Variants in TNXB observed in about 807,000 individuals in gnomAD.
TNXB encodes tenascin XB.
A neutral mutation model predicts 340.5 loss-of-function variants in TNXB; 183 were observed. That is an observed-to-expected ratio of 0.54 (90% confidence interval 0.48 to 0.61). The LOEUF is 0.61. TNXB is among the 20% of genes least tolerant of loss of function. TNXB has a pLI of 0.00. For synonymous variants in TNXB, 2,121 were observed against 2,314.5 expected (o/e 0.92, Z 2.40); for missense variants, 4,613 against 5,446.4 (o/e 0.85, Z 4.82).
At chr6:32,048,701 G>T in intron 28 of TNXB, 51 bp from the exon 29 acceptor site, 1 of 1,375,134 alleles carries the variant, frequency 7.3e-7, no homozygotes. Flanking sequence ...CCCTGCGCAA[G>T]GGAGGCAGTG....
chr6:32,065,827 T>A (rs1024869653), intron 18 of TNXB, among the ~76,000 whole-genome samples: 2 of 152,000 alleles, frequency 1.3e-5, no homozygotes, highest in Non-Finnish European at 1.5e-5. Context: ...TATTATTATT[T>A]TTAGTAGAGA....
chr6:32,061,264 G>T lies in TNXB; in HGVS notation c.7492+133C>A. The T allele has an allele frequency of 7.3e-7, 1 of 1,378,404 alleles. No individual in the cohort carries two copies. Among genetic ancestry groups the T allele is most frequent in the Non-Finnish European group, 9.8e-7 (1 of 1,022,038 alleles). The allele number at this position is 1,378,404 out of a possible 1,614,324, so 85.4% of individuals were successfully genotyped here. On this transcript the variant is annotated intron_variant, in intron 21 of 43. Transcript: ENST00000644971. The surrounding 1 kb of genome is among the most constrained non-coding windows in gnomAD (Gnocchi z 4.4). ...AAGCAAACCGCTAGCATAGGCCACA[G>T]CCACAGGGCACAGAGGGAGGGCAGG...
At position 32,087,696 on chromosome 6, in the gene TNXB, G is replaced by T. The variant is rs1286064930; in HGVS notation, c.2779+1089C>A. The T allele has an allele frequency of 2.2e-6, 1 of 460,188 alleles. No individual in the cohort carries two copies. Among genetic ancestry groups the T allele is most frequent in the South Asian group, 1.5e-5 (1 of 64,994 alleles). The allele number at this position is 460,188 out of a possible 1,614,324, so 28.5% of individuals were successfully genotyped here. On this transcript the variant is annotated intron_variant, in intron 6 of 43. Transcript: ENST00000644971. The surrounding 1 kb of genome is among the most constrained non-coding windows in gnomAD (Gnocchi z 9.0). ...GCCGCTGCAAGTATTCATGGATGTG[G>T]CGCGCCACCGACGTGTAAGTCTGGT... is the stretch of plus-strand genomic sequence containing the variant.
In TNXB at chr6:32,070,876, G is replaced by A. The variant is rs145493895; in HGVS notation, c.4991-462C>T. ...GCAGGTCAGGGAGGCAGGATGTTAC[G>A]ACACAGGTAGTTCTCACCCTTCTCC... On this transcript the variant is annotated intron_variant, in intron 13 of 43. Transcript: ENST00000644971. This position sits in a 1 kb window ranked among gnomAD's most constrained non-coding sequence, Gnocchi z 6.0. Among the ~76,000 whole-genome samples the A allele has an allele frequency of 6.6e-6, 1 of 152,320 alleles. No homozygotes were observed. Among genetic ancestry groups the A allele is most frequent in the East Asian group, 1.9e-4 (1 of 5,176 alleles).
chr6:32,079,366 C>T lies in TNXB; in HGVS notation c.4043-1G>A, dbSNP rs1478036558. ...GTCTCGTCCACATCCTCCTGAGGAG[C>T]TGAGAGAAGAGATAGAGGCATAAAG... is the stretch of plus-strand genomic sequence containing the variant. On this transcript the variant is annotated splice_acceptor_variant, in intron 10 of 43. Coordinates refer to ENST00000644971, the MANE Select transcript of TNXB (RefSeq NM_001365276.2). LOFTEE classifies it high-confidence loss of function. The surrounding 1 kb of genome is among the most constrained non-coding windows in gnomAD (Gnocchi z 7.1). 6.3e-7 allele frequency: 1 copy of T among 1,597,320 alleles called. No individual in the cohort carries two copies. The highest frequency in any genetic ancestry group is 8.5e-7 in the Non-Finnish European group (1 of 1,171,826).
Position 32,055,921 on chromosome 6 carries a change from T to A in TNXB, c.8397A>T (p.Lys2799Asn). The A allele has an allele frequency of 1.9e-6, 3 of 1,613,500 alleles. No individual in the cohort carries two copies. In the Admixed American group the frequency reaches 5.0e-5, roughly 27 times the overall value. Residue 2799 changes from lysine to asparagine, a missense_variant, in exon 24 of 44, where the codon AAA (lysine) becomes AAT (asparagine). Lys to Asn is a moderately conservative substitution (Grantham distance 94). Transcript: ENST00000644971. ...GGAGGCCGTACAGGTGCATCTTGTATTTGCGCCCGGGCTCCAGGCCCCCCA... is the reference window on the plus strand; with the variant it reads ...GGAGGCCGTACAGGTGCATCTTGTAATTGCGCCCGGGCTCCAGGCCCCCCA... ...VTVGGLEPGR[K>N]YKMHLYGLHE...
chr6:32,068,727 G>C lies in TNXB; in HGVS notation c.5903-20C>G. The C allele has an allele frequency of 6.2e-7, 1 of 1,608,608 alleles. No individual in the cohort carries two copies. Among genetic ancestry groups the C allele is most frequent in the South Asian group, 1.1e-5 (1 of 90,696 alleles). The stretch of plus-strand genomic sequence containing the variant: ...CCGGGACTGGACAGAGACATGGAAA[G>C]AGAGGACTGAGGTGGGCAGGGTATC... On this transcript the variant is annotated intron_variant, in intron 16 of 43. Transcript: ENST00000644971. This position sits in a 1 kb window ranked among gnomAD's most constrained non-coding sequence, Gnocchi z 5.3.
At position 32,052,806 on chromosome 6, in the gene TNXB, G is replaced by C. The variant is rs1777369361; in HGVS notation, c.8979C>G (p.Pro2993=). Residue 2993 remains proline (P), a synonymous_variant, in exon 26 of 44, where the codon CCC becomes CCG. Transcript: ENST00000644971. This position sits in a 1 kb window ranked among gnomAD's most constrained non-coding sequence, Gnocchi z 4.7. ...CCTCGCCCCTGACACGCACCACCTG[G>C]GGCCGCCCGTCCCTGTCCTTGTACT... ...TVQYKDRDGR[P]QVVRVRGEES... 1 of 1,613,732 alleles carries C rather than the reference G, an allele frequency of 6.2e-7. No homozygotes were observed. Among genetic ancestry groups the C allele is most frequent in the Non-Finnish European group, 8.5e-7 (1 of 1,179,884 alleles).
At position 32,053,667 on chromosome 6, in the gene TNXB, T is replaced by C; in HGVS notation, c.8512A>G (p.Thr2838Ala). Residue 2838 changes from threonine (T) to alanine (A), a missense_variant, in exon 25 of 44, where the codon ACC becomes GCC. By Grantham distance (58) the Thr-to-Ala change is moderately conservative. Coordinates refer to ENST00000644971, the MANE Select transcript of TNXB (RefSeq NM_001365276.2). Reference protein sequence around the residue: ...AETTQAVPTTTPEPPNKPRLG... With the variant: ...AETTQAVPTTAPEPPNKPRLG... The stretch of plus-strand genomic sequence containing the variant: ...CGAGGCTTGTTGGGGGGCTCAGGGG[T>C]TGTGGTGGGCACTGCTTGGGTGGTC... 6.2e-7 allele frequency: 1 copy of C among 1,612,928 alleles called. No individual in the cohort carries two copies. Among genetic ancestry groups the C allele is most frequent in the Non-Finnish European group, 8.5e-7 (1 of 1,179,734 alleles).
rs1468024295 is a variant in TNXB at position 32,096,615 on chromosome 6, C to T, written c.1238G>A (p.Arg413His). The change falls in exon 3 of 44, where the codon CGC becomes CAC. Residue 413 changes from arginine (R) to histidine (H), a missense_variant. This residue lies in a region of TNXB where 4,327 missense variants were observed against 4,859.4 expected (regional missense o/e 0.89). Coordinates refer to ENST00000644971, the MANE Select transcript of TNXB (RefSeq NM_001365276.2). ...GCACACGCAGCGGCCGTCCTCGCAG[C>T]GGCCCCTTTGGTTGCAGTCGCCAGG... ...SCPGDCNQRG[R>H]CEDGRCVCWP... 7 of 1,563,712 alleles carry T rather than the reference C, an allele frequency of 4.5e-6. No individual in the cohort carries two copies. The highest frequency in any genetic ancestry group is 1.2e-5 in the South Asian group (1 of 85,548).
chr6:32,098,053 C>T lies in TNXB; in HGVS notation c.146G>A (p.Gly49Glu). The change falls in exon 2 of 44, where the codon GGG becomes GAG. Residue 49 changes from glycine to glutamate, a missense_variant. Coordinates refer to ENST00000644971, the MANE Select transcript of TNXB (RefSeq NM_001365276.2). ...AGAAGAGGGGCTTCCCACTCCAGCCCCCACTGTGTGGCCCCCTGGCTGGGG... is the reference window on the plus strand; with the variant it reads ...AGAAGAGGGGCTTCCCACTCCAGCCTCCACTGTGTGGCCCCCTGGCTGGGG... ...PPPQPGGHTV[G>E]AGVGSPSSQL... The T allele has an allele frequency of 6.2e-7, 1 of 1,607,030 alleles. No individual in the cohort carries two copies. Among genetic ancestry groups the T allele is most frequent in the Non-Finnish European group, 8.5e-7 (1 of 1,178,030 alleles).
chr6:32,061,054 C>T lies in TNXB; in HGVS notation c.7492+343G>A, dbSNP rs529436516. Among the ~76,000 whole-genome samples, 4 of 152,044 alleles carry T rather than the reference C, an allele frequency of 2.6e-5. No homozygotes were observed. Among genetic ancestry groups the T allele is most frequent in the East Asian group, 1.9e-4 (1 of 5,192 alleles). On this transcript the variant is annotated intron_variant, in intron 21 of 43. Transcript: ENST00000644971. The surrounding 1 kb of genome is among the most constrained non-coding windows in gnomAD (Gnocchi z 4.4). ...TGCCTAAATTATTTAGTCATCCCAA[C>T]GTGGTTTGACGTTGGATTGTTCCTC...
Position 32,067,165 on chromosome 6 carries a change from A to AAGAAAGAG in TNXB, c.6544+495_6544+496insCTCTTTCT. On this transcript the variant is annotated intron_variant, in intron 18 of 43. Coordinates refer to ENST00000644971, the MANE Select transcript of TNXB (RefSeq NM_001365276.2). This position sits in a 1 kb window ranked among gnomAD's most constrained non-coding sequence, Gnocchi z 4.2. Reference sequence around the variant, plus strand: ...AAAGAAAGAAAGAAAGAAAGAAAGAAAGAAAGAAAGAAAGAAAGAAAACAT... The same window carrying AAGAAAGAG: ...AAAGAAAGAAAGAAAGAAAGAAAGAAAGAAAGAGAGAAAGAAAGAAAGAAAGAAAACAT... 6.6e-6 allele frequency among the ~76,000 whole-genome samples: 1 copy of AAGAAAGAG among 151,912 alleles called. No individual in the cohort carries two copies. The highest frequency in any genetic ancestry group is 3.4e-3 in the Middle Eastern group (1 of 294).
Position 32,055,883 on chromosome 6 carries a change from C to T in TNXB, c.8435G>A (p.Arg2812His), listed in dbSNP as rs199967634. The change falls in exon 24 of 44, where the codon CGT (arginine) becomes CAT (histidine). Residue 2812 changes from arginine to histidine, a missense_variant. By Grantham distance (29) the Arg-to-His change is conservative. Around this residue, in one of 7 missense-constraint regions of TNXB, gnomAD observed 4,327 missense variants for 4,859.4 expected, o/e 0.89. Transcript: ENST00000644971. ...ACCCACGGTGGACACCGGGCCCACA[C>T]GCCGCCCCTCGTGGAGGCCGTACAG... ...MHLYGLHEGRRVGPVSTVGVT... is the reference protein window; with the variant it reads ...MHLYGLHEGRHVGPVSTVGVT... 3.2e-5 allele frequency: 51 copies of T among 1,612,738 alleles called. No homozygotes were observed. The highest frequency in any genetic ancestry group is 4.2e-5 in the Non-Finnish European group (50 of 1,179,434).
chr6:32,096,389 T>G lies in TNXB; in HGVS notation c.1464A>C (p.Thr488=). ...AGGCGCGCGTGCCGCAGTCCCGGCC[T>G]GTGTACCCCGGCCAACACATGCAGC... The part of the protein sequence containing the change: ...SGRCMCWPGY[T]GRDCGTRACP... Residue 488 remains threonine (T), a synonymous_variant, in exon 3 of 44, where the codon ACA becomes ACC. Transcript: ENST00000644971. 6.4e-7 allele frequency: 1 copy of G among 1,562,054 alleles called. No homozygotes were observed. The highest frequency in any genetic ancestry group is 1.2e-5 in the South Asian group (1 of 86,330).
At position 32,062,702 on chromosome 6, in the gene TNXB, G is replaced by C. The variant is rs1185004459; in HGVS notation, c.6842-219C>G. Among the ~76,000 whole-genome samples the C allele has an allele frequency of 1.3e-5, 2 of 152,194 alleles. No individual in the cohort carries two copies. The highest frequency in any genetic ancestry group is 2.9e-5 in the Non-Finnish European group (2 of 68,038). On this transcript the variant is annotated intron_variant, in intron 19 of 43. Transcript: ENST00000644971. The surrounding 1 kb of genome is among the most constrained non-coding windows in gnomAD (Gnocchi z 4.3). ...CCTGTGATGCTCAGTGTGCAGGCCTGGGACCCTTAGGAGCTGCCAAGCAAA... is the reference window on the plus strand; with the variant it reads ...CCTGTGATGCTCAGTGTGCAGGCCTCGGACCCTTAGGAGCTGCCAAGCAAA...
chr6:32,042,888 G>T, intron 38 of TNXB, 57 bp from the exon 39 acceptor site: 1 of 415,940 alleles, frequency 2.4e-6, no homozygotes, highest in Non-Finnish European at 4.1e-6. Flanking sequence ...CTCCGGGAGG[G>T]CCAGAGGCAG....
Position 32,049,264 on chromosome 6 carries a change from A to C in TNXB, c.9757+6T>G. 12 of 1,606,800 alleles carry C rather than the reference A, an allele frequency of 7.5e-6. No homozygotes were observed. The highest frequency in any genetic ancestry group is 1.0e-5 in the Non-Finnish European group (12 of 1,175,858). On this transcript the variant is annotated splice_donor_region_variant and intron_variant, in intron 28 of 43. Coordinates refer to ENST00000644971, the MANE Select transcript of TNXB (RefSeq NM_001365276.2). The surrounding 1 kb of genome is among the most constrained non-coding windows in gnomAD (Gnocchi z 4.5). ...CCTGGGGACGAGGGCCTGTCCCCCC[A>C]CTCACCCGTGATGCCCACGGTGGAC...
In TNXB at chr6:32,049,912, CT is replaced by C. The variant is rs1777160145; in HGVS notation, c.9439+85del. 2 of 1,589,620 alleles carry C rather than the reference CT, an allele frequency of 1.3e-6. No homozygotes were observed. The highest frequency in any genetic ancestry group is 1.7e-6 in the Non-Finnish European group (2 of 1,163,702). On this transcript the variant is annotated intron_variant, in intron 27 of 43. Transcript: ENST00000644971. The surrounding 1 kb of genome is among the most constrained non-coding windows in gnomAD (Gnocchi z 4.5). ...CAGTTCTGTGGTGCTGACCAGACCCCTGTCCCATTCCCCACCAGTCATCACC... is the reference window on the plus strand; with the variant it reads ...CAGTTCTGTGGTGCTGACCAGACCCCGTCCCATTCCCCACCAGTCATCACC...
Sources: gnomAD v4.1 joint callset for allele counts (sites outside exome capture counted in the v4.1 genomes callset) on GRCh38, gnomAD v4.1.1 for gene constraint, gnomAD v4.1.1 regional missense constraint, Gnocchi (gnomAD v3.1) non-coding constraint, MANE v1.5 for transcripts, NCBI Gene and HGNC (gene_info 2026-07-23, HGNC 2026-07-21) for gene names.